CNOT6: variants seen among roughly 807,000 people sequenced by gnomAD.
CNOT6 encodes carbon catabolite repression 4 protein.
Under a neutral mutation model 61.2 loss-of-function variants are expected in CNOT6, and 12 were observed. That is an observed-to-expected ratio of 0.20 (90% CI 0.13 to 0.32). The LOEUF is 0.32. Ranked by LOEUF, CNOT6 falls within the 10% of genes least tolerant of loss-of-function variation. The pLI is 1.00. For synonymous variants in CNOT6, 225 were observed against 240.6 expected, an observed-to-expected ratio of 0.94 and a Z score of 0.60; for missense variants, 405 against 663.9, an observed-to-expected ratio of 0.61 and a Z score of 4.28.
At chr5:180,551,447 A>G (rs1759599022) in intron 3 of CNOT6, among the ~76,000 whole-genome samples, 1 of 152,210 alleles carries the variant, frequency 6.6e-6, no homozygotes, top group Admixed American at 6.5e-5. Context: ...TATGTTGCCC[A>G]GGCAGGTCTT....
rs533238023 is a variant in CNOT6, at chr5:180,569,137, A to G, written c.1055A>G (p.Lys352Arg). The stretch of plus-strand genomic sequence containing the variant: ...GGAAAGCCACATCTTGGAACAGAAA[A>G]ACAACTTATTCTTGTGGCTAACGCC... ...PSGKPHLGTE[K>R]QLILVANAHM... Residue 352 changes from lysine (K) to arginine (R), a missense_variant, in exon 10 of 12, where the codon AAA (lysine) becomes AGA (arginine). Lys to Arg is a conservative substitution (Grantham distance 26, BLOSUM62 2). Around this residue, in one of 5 missense-constraint regions of CNOT6, gnomAD observed 116 missense variants for 184.6 expected, o/e 0.63. Transcript: ENST00000261951. The G allele has an allele frequency of 1.4e-5, 23 of 1,614,040 alleles. 1 individual carries two copies. In the South Asian group the frequency reaches 2.3e-4, roughly 16 times the overall value.
intron 2 of CNOT6, among the ~76,000 whole-genome samples, chr5:180,547,666 A>T: frequency 6.6e-6 from 1 of 152,142 alleles, no homozygotes; most frequent in East Asian, 1.9e-4. Context: ...CTTTTAAGCC[A>T]TTTGGTTAAG....
intron 11 of CNOT6, among the ~76,000 whole-genome samples, chr5:180,571,968 AAAT>A (rs70973941): frequency 0.46 from 70,446 of 151,720 alleles, 17,355 homozygotes; most frequent in Non-Finnish European, 0.56. Flanking sequence ...AAGTCACATG[AAAT>A]AATCTGTAAA....
At chr5:180,507,978 G>C (rs1486665881) in intron 1 of CNOT6, among the ~76,000 whole-genome samples, 1 of 152,124 alleles carries the variant, frequency 6.6e-6, no homozygotes, top group African/African-American at 2.4e-5. Flanking sequence ...CCTCCCACTA[G>C]GCCCCACCTC....
intron 2 of CNOT6, among the ~76,000 whole-genome samples, chr5:180,531,511 G>A (rs928001280): frequency 6.6e-6 from 1 of 151,332 alleles, no homozygotes. Flanking sequence ...CTGGGCGGCC[G>A]GGCTGAGGGG....
rs1450140404 is a variant in CNOT6, at chr5:180,574,425, C to T, written c.*225C>T. On this transcript the variant is annotated 3_prime_UTR_variant, in exon 12 of 12. Coordinates refer to ENST00000261951, the MANE Select transcript of CNOT6 (RefSeq NM_001370472.1). Reference sequence around the variant, plus strand: ...CTAGACAGGGATTGGTGTGTTTGCACCTGTCTTTCATTTGTCATAAGAGAT... The same window carrying T: ...CTAGACAGGGATTGGTGTGTTTGCATCTGTCTTTCATTTGTCATAAGAGAT... 7.0e-6 allele frequency: 4 copies of T among 569,964 alleles called. No individual in the cohort carries two copies. Among genetic ancestry groups the T allele is most frequent in the Middle Eastern group, 4.6e-4 (1 of 2,156 alleles). 35.3% of individuals were successfully genotyped at this position (569,964 alleles called of 1,614,324 possible).
intron 1 of CNOT6, among the ~76,000 whole-genome samples, chr5:180,517,409 A>G (rs1757684774): frequency 6.6e-6 from 1 of 151,868 alleles, no homozygotes; most frequent in Non-Finnish European, 1.5e-5. Context: ...GATTACAGGC[A>G]TGAGCCACTG....
At chr5:180,556,798 AAAAC>A (rs1162899331) in intron 4 of CNOT6, among the ~76,000 whole-genome samples, 1 of 152,122 alleles carries the variant, frequency 6.6e-6, no homozygotes, top group East Asian at 1.9e-4. Context: ...TAAAAATACA[AAAAC>A]AAAATTAGCC....
chr5:180,566,938 G>C (rs1760496001), intron 7 of CNOT6, 150 bp from the exon 8 acceptor site: 2 of 701,620 alleles, frequency 2.9e-6, no homozygotes, highest in South Asian at 5.0e-5. Context: ...ACAGACATGA[G>C]CCACCATGCC....
At chr5:180,546,955 A>G (rs750171464) in intron 2 of CNOT6, among the ~76,000 whole-genome samples, 3 of 152,238 alleles carry the variant, frequency 2.0e-5, no homozygotes, top group Non-Finnish European at 4.4e-5. Context: ...CTTGAAATTC[A>G]TTTATGGTTC....
intron 2 of CNOT6, among the ~76,000 whole-genome samples, chr5:180,535,785 G>A (rs1301138169): frequency 5.9e-5 from 9 of 152,224 alleles, no homozygotes; most frequent in Admixed American, 3.9e-4. Flanking sequence ...GTGTTCAAGC[G>A]TTCCTTTTTC....
At chr5:180,517,841 C>T (rs73363230) in intron 1 of CNOT6, among the ~76,000 whole-genome samples, 178 of 152,322 alleles carry the variant, frequency 1.2e-3, no homozygotes, top group African/African-American at 4.1e-3. Context: ...TGCGCCTGGC[C>T]GAGTAGACCT....
chr5:180,535,988 GTTTTTTTTTTTTTTTT>G (rs756489493), intron 2 of CNOT6, among the ~76,000 whole-genome samples: 10 of 62,500 alleles, frequency 1.6e-4, no homozygotes, highest in East Asian at 1.3e-3. Flanking sequence ...ACTTATTAGG[GTTTTTTTTTTTTTTTT>G]TTTTTTTTTT....
At chr5:180,522,867 C>T (rs1344478794) in intron 1 of CNOT6, among the ~76,000 whole-genome samples, 1 of 152,200 alleles carries the variant, frequency 6.6e-6, no homozygotes, top group Admixed American at 6.5e-5. Context: ...CATCTGTATA[C>T]TTTACCATAT....
intron 2 of CNOT6, among the ~76,000 whole-genome samples, chr5:180,541,687 C>T (rs917719520): frequency 3.3e-5 from 5 of 151,728 alleles, no homozygotes; most frequent in African/African-American, 9.7e-5. Flanking sequence ...CTCCTGACCT[C>T]GTGATCCACC....
intron 2 of CNOT6, among the ~76,000 whole-genome samples, chr5:180,540,901 A>G (rs530375552): frequency 3.9e-5 from 6 of 152,228 alleles, no homozygotes; most frequent in East Asian, 1.9e-4. Context: ...AGCATTTCCA[A>G]TGTTTTTCAT....
chr5:180,529,193 G>A (rs1158815147), intron 1 of CNOT6, 82 bp from the exon 2 acceptor site: 14 of 675,192 alleles, frequency 2.1e-5, no homozygotes, highest in African/African-American at 1.5e-4. Flanking sequence ...GTCAGACTTC[G>A]TCTCAAAAAA....
At chr5:180,573,604 C>CGTGTGTGTGTGTGTGT (rs1561669597) in intron 11 of CNOT6, among the ~76,000 whole-genome samples, 3 of 14,508 alleles carry the variant, frequency 2.1e-4, no homozygotes, top group South Asian at 3.2e-3. Flanking sequence ...TGTGTGTGTC[C>CGTGTGTGTGTGTGTGT]GTCCGTCCGT....
At chr5:180,555,007 T>G (rs1759808678) in intron 4 of CNOT6, among the ~76,000 whole-genome samples, 1 of 151,884 alleles carries the variant, frequency 6.6e-6, no homozygotes, top group Non-Finnish European at 1.5e-5. Context: ...AGTCACAAAT[T>G]TGCTTTTTTT....
Sources: allele counts gnomAD v4.1 joint callset (sites outside exome capture counted in the v4.1 genomes callset), GRCh38; gene constraint gnomAD v4.1.1; regional missense constraint gnomAD v4.1.1; transcripts MANE v1.5; gene names NCBI Gene and HGNC (gene_info 2026-07-23, HGNC 2026-07-21).